Variants in AKIRIN2 observed in about 807,000 individuals in gnomAD.
AKIRIN2 encodes akirin 2.
AKIRIN2 carries 6 observed loss-of-function variants against 29.3 expected under a neutral mutation model. The observed-to-expected ratio is 0.20, with a 90% confidence interval of 0.11 to 0.40. AKIRIN2 has a LOEUF of 0.40. Ranked by LOEUF, AKIRIN2 falls within the 10% of genes least tolerant of loss-of-function variation. AKIRIN2 has a pLI of 1.00. For missense variants in AKIRIN2, 210 were observed against 276.1 expected, an observed-to-expected ratio of 0.76 and a Z score of 1.70; for synonymous variants, 128 against 117.5, an observed-to-expected ratio of 1.09 and a Z score of -0.58.
chr6:87,687,873 C>T (rs570318974), intron 1 of AKIRIN2, among the ~76,000 whole-genome samples: 20 of 152,298 alleles, frequency 1.3e-4, no homozygotes, highest in African/African-American at 3.6e-4. Context: ...CATGGCTGCA[C>T]GCAGTGGCTC....
chr6:87,676,706 G>A (rs1197274292), intron 3 of AKIRIN2, among the ~76,000 whole-genome samples: 5 of 151,740 alleles, frequency 3.3e-5, no homozygotes, highest in African/African-American at 7.3e-5. Flanking sequence ...CTTGAGCCCG[G>A]GAGGCAGAGG....
At chr6:87,693,724 CAA>C (rs34150167) in intron 1 of AKIRIN2, among the ~76,000 whole-genome samples, 18 of 101,120 alleles carry the variant, frequency 1.8e-4, no homozygotes, top group Admixed American at 6.3e-4. Context: ...GACTCTGTCT[CAA>C]AAAAAAAAAA....
Position 87,675,592 on chromosome 6 carries a change from G to C in AKIRIN2, c.*5C>G. On this transcript the variant is annotated 3_prime_UTR_variant, in exon 5 of 5. Transcript: ENST00000257787. ...AAGGCAGCCCACAAATGCAGGATAC[G>C]TGATTCATGAAACATCTAAAGGGTG... is the stretch of plus-strand genomic sequence containing the variant. The C allele has an allele frequency of 6.2e-7, 1 of 1,613,996 alleles. No homozygotes were observed. Among genetic ancestry groups the C allele is most frequent in the Non-Finnish European group, 8.5e-7 (1 of 1,179,942 alleles).
intron 3 of AKIRIN2, among the ~76,000 whole-genome samples, chr6:87,677,580 T>C (rs1771041121): frequency 6.6e-6 from 1 of 152,180 alleles, no homozygotes; most frequent in Non-Finnish European, 1.5e-5. Context: ...CATCAGTTTT[T>C]AGTACAGGGT....
rs1770954901 is a variant in AKIRIN2, at chr6:87,675,516, G to A, written c.*81C>T. ...ACCTGTATTCACAGAAGGGGTATTG[G>A]CATTGCTGCATGTCATAATTGGGAC... On this transcript the variant is annotated 3_prime_UTR_variant, in exon 5 of 5. Transcript: ENST00000257787. 1.1e-5 allele frequency: 17 copies of A among 1,549,708 alleles called. No homozygotes were observed. Among genetic ancestry groups the A allele is most frequent in the Non-Finnish European group, 1.1e-5 (12 of 1,122,228 alleles).
chr6:87,701,876 T>A lies in AKIRIN2; in HGVS notation c.-192A>T, dbSNP rs1272032739. The A allele has an allele frequency of 1.6e-5, 7 of 444,472 alleles. No individual in the cohort carries two copies. Among genetic ancestry groups the A allele is most frequent in the East Asian group, 1.4e-4 (4 of 28,148 alleles). 27.5% of individuals were successfully genotyped at this position (444,472 alleles called of 1,614,324 possible). On this transcript the variant is annotated 5_prime_UTR_variant, in exon 1 of 5. Coordinates refer to ENST00000257787, the MANE Select transcript of AKIRIN2 (RefSeq NM_018064.4). ...GCCGCTGCCTCCGCGGCAGGGGCAG[T>A]GGCCAGGGACGGCCCGGGTGAGAGC...
rs1056058698 is a variant in AKIRIN2, at chr6:87,701,781, G to A, written c.-97C>T. 1.2e-5 allele frequency: 11 copies of A among 897,576 alleles called. No homozygotes were observed. The highest frequency in any genetic ancestry group is 1.7e-5 in the Non-Finnish European group (11 of 649,220). The allele number at this position is 897,576 out of a possible 1,614,324, so 55.6% of individuals were successfully genotyped here. A position where few individuals can be genotyped will look rare whatever the true frequency, so the allele number is the denominator to read the frequency against. ...GGGGTGAAGAGCGGGAACTCGAGGA[G>A]AGCCTACCCGACGGGCTCAGGAGCC... On this transcript the variant is annotated 5_prime_UTR_variant, in exon 1 of 5. Transcript: ENST00000257787.
chr6:87,679,572 T>C (rs1036708716), intron 2 of AKIRIN2, among the ~76,000 whole-genome samples: 8 of 152,196 alleles, frequency 5.3e-5, no homozygotes, highest in Non-Finnish European at 1.0e-4. Flanking sequence ...CTAAAGGTTT[T>C]TGAACTCATT....
At chr6:87,678,517 AAAAAATT>A (rs1257807930) in intron 2 of AKIRIN2, among the ~76,000 whole-genome samples, 1 of 152,128 alleles carries the variant, frequency 6.6e-6, no homozygotes. Flanking sequence ...AAATAAAAAC[AAAAAATT>A]AAAAATTAAA....
At chr6:87,700,387 T>C (rs1562402210) in intron 1 of AKIRIN2, 1 of 152,202 alleles carries the variant, frequency 6.6e-6, no homozygotes, top group Non-Finnish European at 1.5e-5. Flanking sequence ...AAAGGCTTTG[T>C]CTAAAGGGTG....
chr6:87,679,510 A>C (rs1392188381), intron 2 of AKIRIN2, among the ~76,000 whole-genome samples: 1 of 152,206 alleles, frequency 6.6e-6, no homozygotes, highest in Non-Finnish European at 1.5e-5. Context: ...AAACAAAACA[A>C]AACAAAACAA....
At chr6:87,681,141 G>A (rs1414453064) in intron 2 of AKIRIN2, among the ~76,000 whole-genome samples, 2 of 152,078 alleles carry the variant, frequency 1.3e-5, no homozygotes, top group African/African-American at 4.8e-5. Context: ...GGGTTCAAGT[G>A]ATTCTCATGC....
At chr6:87,689,280 T>A (rs1485125370) in intron 1 of AKIRIN2, among the ~76,000 whole-genome samples, 1 of 152,136 alleles carries the variant, frequency 6.6e-6, no homozygotes, top group Non-Finnish European at 1.5e-5. Context: ...GGCGGGTGGA[T>A]CACCTGAGGT....
At chr6:87,676,447 C>CAAAAAA (rs71021319) in intron 3 of AKIRIN2, among the ~76,000 whole-genome samples, 7 of 41,914 alleles carry the variant, frequency 1.7e-4, no homozygotes, top group Non-Finnish European at 2.6e-4. Flanking sequence ...GCCTGGGCAA[C>CAAAAAA]AAAAAAAAAA....
At chr6:87,676,373 G>A (rs1421512184) in intron 3 of AKIRIN2, among the ~76,000 whole-genome samples, 5 of 147,312 alleles carry the variant, frequency 3.4e-5, no homozygotes, top group African/African-American at 1.3e-4. Context: ...GGCTGAGGCA[G>A]GAGAATGGCG....
intron 1 of AKIRIN2, among the ~76,000 whole-genome samples, chr6:87,684,153 T>C (rs1404445808): frequency 2.0e-5 from 3 of 152,214 alleles, no homozygotes; most frequent in Admixed American, 6.5e-5. Flanking sequence ...TATCACCACA[T>C]AGCTGTTCTC....
At chr6:87,676,973 AG>A (rs1771020650) in intron 3 of AKIRIN2, among the ~76,000 whole-genome samples, 1 of 151,420 alleles carries the variant, frequency 6.6e-6, no homozygotes, top group Non-Finnish European at 1.5e-5. Flanking sequence ...GCTACACAGG[AG>A]GCTGAGGCAG....
intron 1 of AKIRIN2, among the ~76,000 whole-genome samples, chr6:87,689,688 C>G (rs536111937): frequency 2.8e-4 from 43 of 152,248 alleles, no homozygotes; most frequent in Non-Finnish European, 5.7e-4. Flanking sequence ...GTGACTGTTA[C>G]CTTTTGGGCC....
chr6:87,675,663 T>C lies in AKIRIN2; in HGVS notation c.602-56A>G, dbSNP rs1291367068. The C allele has an allele frequency of 4.4e-6, 7 of 1,601,218 alleles. No individual in the cohort carries two copies. The East Asian group carries it at 6.8e-5, about 15-fold the overall frequency. Reference sequence around the variant, plus strand: ...AAATACAGGTCAAAATCCAAACGAATACTAGATCTTGATTCCCAATTTTGC... The same window carrying C: ...AAATACAGGTCAAAATCCAAACGAACACTAGATCTTGATTCCCAATTTTGC... On this transcript the variant is annotated intron_variant, in intron 4 of 4. Coordinates refer to ENST00000257787, the MANE Select transcript of AKIRIN2 (RefSeq NM_018064.4).
Sources: gnomAD v4.1 joint callset for allele counts (sites outside exome capture counted in the v4.1 genomes callset) on GRCh38, gnomAD v4.1.1 for gene constraint, MANE v1.5 for transcripts, NCBI Gene and HGNC (gene_info 2026-07-23, HGNC 2026-07-21) for gene names.